DNAJC5: variants seen among roughly 807,000 people sequenced by gnomAD.
DNAJC5 encodes DnaJ heat shock protein family (Hsp40) member C5.
Under a neutral mutation model 23.2 loss-of-function variants are expected in DNAJC5, and 1 was observed. The observed-to-expected ratio is 0.04, with a 90% CI of 0.02 to 0.20. The LOEUF (loss-of-function observed/expected upper bound fraction) is 0.20. Among genes scored for constraint, DNAJC5 ranks in the 10% least tolerant of loss-of-function variants. DNAJC5 has a pLI of 1.00. For synonymous variants in DNAJC5, 136 were observed against 120.0 expected (o/e 1.13, Z -0.87); for missense variants, 180 against 267.0 (o/e 0.67, Z 2.27).
chr20:63,918,014 G>A lies in DNAJC5; in HGVS notation c.-11-10321G>A, dbSNP rs180768919. Among the ~76,000 whole-genome samples the A allele has an allele frequency of 8.3e-4, 127 of 152,194 alleles. 1 individual carries two copies. The highest frequency in any genetic ancestry group is 3.4e-3 in the Middle Eastern group (1 of 294). On this transcript the variant is annotated intron_variant, in intron 1 of 4. Coordinates refer to ENST00000360864, the MANE Select transcript of DNAJC5 (RefSeq NM_025219.3). ...TAGCTGCATCAGCTTCACGCTGTCC[G>A]CCCTTCGCCACCCACCGCGCCTGCT...
At chr20:63,899,463 G>T (rs192021408) in intron 1 of DNAJC5, among the ~76,000 whole-genome samples, 1 of 152,016 alleles carries the variant, frequency 6.6e-6, no homozygotes, top group Non-Finnish European at 1.5e-5. Flanking sequence ...CTTTATTCTT[G>T]GTACATCACA....
At chr20:63,916,568 G>A (rs1356857441) in intron 1 of DNAJC5, among the ~76,000 whole-genome samples, 5 of 152,148 alleles carry the variant, frequency 3.3e-5, no homozygotes, top group Admixed American at 6.5e-5. Context: ...TGTGTTCAGC[G>A]GTGCATGTAT....
At chr20:63,895,620 G>A (rs1386870373) in intron 1 of DNAJC5, among the ~76,000 whole-genome samples, 1 of 151,626 alleles carries the variant, frequency 6.6e-6, no homozygotes, top group Non-Finnish European at 1.5e-5. Context: ...CTTCGGGCCC[G>A]GACGCCCCCT....
intron 1 of DNAJC5, among the ~76,000 whole-genome samples, chr20:63,918,497 A>G (rs1022142782): frequency 6.6e-6 from 1 of 152,354 alleles, no homozygotes; most frequent in East Asian, 1.9e-4. Context: ...TAAGGTATAT[A>G]TGGGGAAAAT....
intron 1 of DNAJC5, among the ~76,000 whole-genome samples, chr20:63,907,539 G>A (rs898824792): frequency 6.6e-6 from 1 of 152,194 alleles, no homozygotes; most frequent in African/African-American, 2.4e-5. Flanking sequence ...TGGCAGCTCA[G>A]ACAGGTGACC....
At chr20:63,904,141 T>A (rs1019329046) in intron 1 of DNAJC5, among the ~76,000 whole-genome samples, 1 of 152,170 alleles carries the variant, frequency 6.6e-6, no homozygotes, top group Admixed American at 6.5e-5. Flanking sequence ...GGTTGCCGAA[T>A]ATGCATTAGC....
intron 1 of DNAJC5, among the ~76,000 whole-genome samples, chr20:63,914,813 A>G (rs2053505794): frequency 6.6e-6 from 1 of 151,020 alleles, no homozygotes; most frequent in African/African-American, 2.4e-5. Flanking sequence ...ATGGGGTTTC[A>G]CTGTGTTGCC....
chr20:63,919,512 A>G, intron 1 of DNAJC5: 1 of 339,976 alleles, frequency 2.9e-6, no homozygotes, highest in Non-Finnish European at 5.4e-6. Context: ...CTGTGTGCAC[A>G]TGTGCCCAGG....
intron 1 of DNAJC5, among the ~76,000 whole-genome samples, chr20:63,910,861 C>T (rs1179484723): frequency 3.3e-5 from 5 of 151,810 alleles, no homozygotes; most frequent in African/African-American, 9.7e-5. Context: ...TTAGTAGAGA[C>T]GGGGGTTCAC....
At chr20:63,924,976 G>T (rs1470898086) in intron 1 of DNAJC5, among the ~76,000 whole-genome samples, 1 of 152,258 alleles carries the variant, frequency 6.6e-6, no homozygotes, top group African/African-American at 2.4e-5. Context: ...ACATTGAAGG[G>T]TGAGGAGGGC....
intron 3 of DNAJC5, among the ~76,000 whole-genome samples, chr20:63,930,283 A>G (rs1428096084): frequency 6.6e-6 from 1 of 151,672 alleles, no homozygotes; most frequent in Non-Finnish European, 1.5e-5. Flanking sequence ...GGTTCAAGTG[A>G]TCCTCCCACT....
Position 63,899,870 on chromosome 20 carries a change from T to G in DNAJC5, c.-12+4547T>G, listed in dbSNP as rs550628031. ...TGCTGGGATTGCAGGTGTGAGCCAC[T>G]GCGCCTGGGCTTTTTTTTTTTTTTT... On this transcript the variant is annotated intron_variant, in intron 1 of 4. Coordinates refer to ENST00000360864, the MANE Select transcript of DNAJC5 (RefSeq NM_025219.3). 2.8e-5 allele frequency among the ~76,000 whole-genome samples: 4 copies of G among 142,278 alleles called. No individual in the cohort carries two copies. The East Asian group carries it at 6.7e-4, about 24-fold the overall frequency. 93.3% of individuals were successfully genotyped at this position (142,278 alleles called of 152,430 possible).
intron 1 of DNAJC5, among the ~76,000 whole-genome samples, chr20:63,907,607 C>T (rs577544110): frequency 6.6e-6 from 1 of 152,268 alleles, no homozygotes; most frequent in African/African-American, 2.4e-5. Context: ...TTAGGAAGGG[C>T]TCTGTTCAGT....
At chr20:63,925,920 C>T (rs536156345) in intron 1 of DNAJC5, among the ~76,000 whole-genome samples, 20 of 151,040 alleles carry the variant, frequency 1.3e-4, no homozygotes, top group South Asian at 4.2e-4. Context: ...CTCCGCCTTC[C>T]GGGTTAACGT....
At chr20:63,905,191 C>G (rs1049725159) in intron 1 of DNAJC5, among the ~76,000 whole-genome samples, 2 of 151,542 alleles carry the variant, frequency 1.3e-5, no homozygotes, top group Non-Finnish European at 2.9e-5. Flanking sequence ...TCTCGGCTCA[C>G]TGCAACCTCT....
intron 1 of DNAJC5, among the ~76,000 whole-genome samples, chr20:63,904,267 GACA>G (rs1480224943): frequency 2.6e-5 from 4 of 152,124 alleles, no homozygotes; most frequent in African/African-American, 9.7e-5. Flanking sequence ...ATGTTAAAGT[GACA>G]ACACAGGATT....
rs2053699870 is a variant in DNAJC5, at chr20:63,934,355, C to G, written c.*2787C>G. The G allele has an allele frequency of 6.6e-6, 1 of 152,330 alleles. No individual in the cohort carries two copies. The highest frequency in any genetic ancestry group is 6.5e-5 in the Admixed American group (1 of 15,290). The allele number at this position is 152,330 out of a possible 1,614,324, so 9.4% of individuals were successfully genotyped here. A position where few individuals can be genotyped will look rare whatever the true frequency, so the allele number is the denominator to read the frequency against. Reference sequence around the variant, plus strand: ...GCTTTTGCTGGTGGCAGTGACGGGACCCCGACTCCTCACTCTCGGGCCGCA... The same window carrying G: ...GCTTTTGCTGGTGGCAGTGACGGGAGCCCGACTCCTCACTCTCGGGCCGCA... On this transcript the variant is annotated 3_prime_UTR_variant, in exon 5 of 5. Transcript: ENST00000360864.
At chr20:63,905,746 T>C (rs1429254966) in intron 1 of DNAJC5, among the ~76,000 whole-genome samples, 2 of 150,972 alleles carry the variant, frequency 1.3e-5, no homozygotes, top group Non-Finnish European at 3.0e-5. Context: ...ATTTTTTTTT[T>C]TTTCTGGAGA....
chr20:63,897,070 ATAAT>A (rs1176895747), intron 1 of DNAJC5, among the ~76,000 whole-genome samples: 3 of 152,190 alleles, frequency 2.0e-5, no homozygotes, highest in African/African-American at 4.8e-5. Flanking sequence ...CTTTGAATCT[ATAAT>A]TATTTTGAAG....
Sources: gnomAD v4.1 joint callset for allele counts (sites outside exome capture counted in the v4.1 genomes callset) on GRCh38, gnomAD v4.1.1 for gene constraint, MANE v1.5 for transcripts, NCBI Gene and HGNC (gene_info 2026-07-23, HGNC 2026-07-21) for gene names.